GLRA3: variants seen among roughly 807,000 people sequenced by gnomAD.
GLRA3 encodes the protein glycine receptor subunit alpha-3.
Under a neutral mutation model 60.4 loss-of-function variants are expected in GLRA3, and 44 were observed. The ratio of observed to expected loss-of-function variants is 0.73; its 90% CI spans 0.57 to 0.94. The LOEUF (loss-of-function observed/expected upper bound fraction) is 0.94, where lower values mean the gene tolerates loss of function less well. GLRA3 is among the 40% of genes least tolerant of loss of function. GLRA3 has a pLI of 0.00. For missense variants in GLRA3, 508 were observed against 564.6 expected, an observed-to-expected ratio of 0.90 and a Z score of 1.02; for synonymous variants, 223 against 192.9, an observed-to-expected ratio of 1.16 and a Z score of -1.29.
chr4:174,686,328 A>C (rs1402658267), intron 5 of GLRA3, among the ~76,000 whole-genome samples: 1 of 152,252 alleles, frequency 6.6e-6, no homozygotes, highest in African/African-American at 2.4e-5. Flanking sequence ...TCTTTATACA[A>C]GTCTGAGAAT....
intron 2 of GLRA3, among the ~76,000 whole-genome samples, chr4:174,774,115 C>G (rs1738498903): frequency 6.9e-6 from 1 of 145,056 alleles, no homozygotes; most frequent in African/African-American, 2.6e-5. Context: ...CAGAGTCCCA[C>G]CAGGCCAAGG....
At position 174,728,542 on chromosome 4, in the gene GLRA3, G is replaced by T. The variant is rs1736409395; in HGVS notation, c.424C>A (p.His142Asn). Residue 142 changes from histidine to asparagine, a missense_variant, in exon 4 of 10, where the codon CAT (histidine) becomes AAT (asparagine). Physicochemically the swap from His to Asn is moderately conservative, Grantham distance 68. Transcript: ENST00000274093. ...FFANEKGANF[H>N]EVTTDNKLLR... ...AATTTGTTGTCTGTAGTGACTTCAT[G>T]AAAGTTGGCACCCTTTTCATTGGCA... 6.2e-7 allele frequency: 1 copy of T among 1,613,302 alleles called. No homozygotes were observed. The highest frequency in any genetic ancestry group is 1.7e-5 in the Admixed American group (1 of 59,986).
intron 5 of GLRA3, among the ~76,000 whole-genome samples, chr4:174,698,562 C>G (rs1735160460): frequency 6.6e-6 from 1 of 152,052 alleles, no homozygotes; most frequent in Non-Finnish European, 1.5e-5. Context: ...TATACAAAAC[C>G]AAAACCAAAA....
chr4:174,737,007 T>C (rs1411168068), intron 3 of GLRA3, among the ~76,000 whole-genome samples: 2 of 152,220 alleles, frequency 1.3e-5, no homozygotes, highest in East Asian at 3.9e-4. Flanking sequence ...GCCTAACAGC[T>C]TCATCTTGCA....
chr4:174,738,335 A>G (rs1490323993), intron 3 of GLRA3, among the ~76,000 whole-genome samples: 1 of 152,190 alleles, frequency 6.6e-6, no homozygotes, highest in East Asian at 1.9e-4. Flanking sequence ...ATCATTAGAT[A>G]TTTTCTACTT....
chr4:174,802,870 T>G (rs1295090751), intron 1 of GLRA3, among the ~76,000 whole-genome samples: 1 of 152,128 alleles, frequency 6.6e-6, no homozygotes, highest in African/African-American at 2.4e-5. Flanking sequence ...GGCTTGATAT[T>G]GCAGTAGTGT....
intron 1 of GLRA3, among the ~76,000 whole-genome samples, chr4:174,819,072 T>A (rs1284311228): frequency 1.3e-5 from 2 of 152,184 alleles, no homozygotes; most frequent in African/African-American, 4.8e-5. Flanking sequence ...GATGTTTGTC[T>A]TGTTTAACCT....
At chr4:174,667,271 C>G (rs1475399786) in intron 7 of GLRA3, among the ~76,000 whole-genome samples, 1 of 152,020 alleles carries the variant, frequency 6.6e-6, no homozygotes, top group Non-Finnish European at 1.5e-5. Flanking sequence ...AAGTGGCCTT[C>G]GTGGCACAGA....
chr4:174,643,988 A>C lies in GLRA3; in HGVS notation c.1193T>G (p.Met398Arg). Reference sequence around the variant, plus strand: ...AGGGTGGTTGGGGCCCTTTGGAGTCATGCCATCCTTTGCTTGTAGACATGG... The same window carrying C: ...AGGGTGGTTGGGGCCCTTTGGAGTCCTGCCATCCTTTGCTTGTAGACATGG... ...MGPCLQAKDG[M>R]TPKGPNHPVQ... Residue 398 changes from methionine (M) to arginine (R), a missense_variant, in exon 10 of 10, where the codon ATG becomes AGG. Physicochemically the swap from Met to Arg is moderately conservative, Grantham distance 91. Coordinates refer to ENST00000274093, the MANE Select transcript of GLRA3 (RefSeq NM_006529.4). 1 of 1,613,930 alleles carries C rather than the reference A, an allele frequency of 6.2e-7. No homozygotes were observed. Among genetic ancestry groups the C allele is most frequent in the Non-Finnish European group, 8.5e-7 (1 of 1,179,882 alleles).
At chr4:174,808,711 T>C (rs955828433) in intron 1 of GLRA3, among the ~76,000 whole-genome samples, 12 of 151,982 alleles carry the variant, frequency 7.9e-5, no homozygotes, top group Non-Finnish European at 1.8e-4. Flanking sequence ...AGGTGGAAGA[T>C]GGTGATAGTG....
rs546992040 is a variant in GLRA3 at position 174,638,684 on chromosome 4, T to C, written c.*5102A>G. On this transcript the variant is annotated 3_prime_UTR_variant, in exon 10 of 10. Transcript: ENST00000274093. ...ATGATAAAACTTAAAAAGTGTTAAA[T>C]TGATCCTTATTAAGAGAATAAGCTT... 1 of 152,344 alleles carries C rather than the reference T, an allele frequency of 6.6e-6. No individual in the cohort carries two copies. Among genetic ancestry groups the C allele is most frequent in the Admixed American group, 6.5e-5 (1 of 15,302 alleles). 9.4% of individuals were successfully genotyped at this position (152,344 alleles called of 1,614,324 possible).
At chr4:174,794,481 G>T (rs548402199) in intron 1 of GLRA3, among the ~76,000 whole-genome samples, 2 of 151,290 alleles carry the variant, frequency 1.3e-5, no homozygotes, top group Non-Finnish European at 3.0e-5. Flanking sequence ...ATGCACACAC[G>T]CACACACACA....
intron 5 of GLRA3, among the ~76,000 whole-genome samples, chr4:174,697,416 G>A (rs917475603): frequency 1.3e-5 from 2 of 152,178 alleles, no homozygotes; most frequent in Non-Finnish European, 2.9e-5. Context: ...ATTGCTAGGA[G>A]AAATATTGCT....
chr4:174,723,496 C>T (rs1024935792), intron 4 of GLRA3, among the ~76,000 whole-genome samples: 3 of 151,980 alleles, frequency 2.0e-5, no homozygotes, highest in African/African-American at 7.2e-5. Context: ...TTAAAATAAA[C>T]AAATACATGT....
intron 9 of GLRA3, among the ~76,000 whole-genome samples, chr4:174,655,269 T>C (rs1354941272): frequency 6.6e-6 from 1 of 152,152 alleles, no homozygotes. Context: ...ACAAATTTGA[T>C]CAGCCCAGAG....
chr4:174,682,385 C>G (rs1297613358), intron 6 of GLRA3, among the ~76,000 whole-genome samples: 1 of 151,566 alleles, frequency 6.6e-6, no homozygotes, highest in Non-Finnish European at 1.5e-5. Context: ...GAAAATATGA[C>G]AAAGGGAAAA....
At chr4:174,678,881 AACTC>A (rs1734229909) in intron 6 of GLRA3, among the ~76,000 whole-genome samples, 1 of 152,232 alleles carries the variant, frequency 6.6e-6, no homozygotes, top group Non-Finnish European at 1.5e-5. Flanking sequence ...TCAGTTAAAT[AACTC>A]ACTAAGTAAT....
intron 1 of GLRA3, among the ~76,000 whole-genome samples, chr4:174,820,226 A>C (rs1212941844): frequency 6.6e-6 from 1 of 152,204 alleles, no homozygotes; most frequent in African/African-American, 2.4e-5. Flanking sequence ...ATTACCACAG[A>C]CACATAAAAT....
At chr4:174,814,199 A>G (rs1245419860) in intron 1 of GLRA3, among the ~76,000 whole-genome samples, 1 of 152,224 alleles carries the variant, frequency 6.6e-6, no homozygotes, top group Non-Finnish European at 1.5e-5. Context: ...TTGCCTTCTT[A>G]GTACCTGAGT....
Sources: gnomAD v4.1 joint callset for allele counts (sites outside exome capture counted in the v4.1 genomes callset) on GRCh38, gnomAD v4.1.1 for gene constraint, MANE v1.5 for transcripts, NCBI Gene and HGNC (gene_info 2026-07-23, HGNC 2026-07-21) for gene names.